Variants in TUSC3 observed in about 807,000 individuals in gnomAD.
TUSC3 encodes tumor suppressor candidate 3, also known as dolichyl-diphosphooligosaccharide--protein glycosyltransferase subunit TUSC3.
A neutral mutation model predicts 44.8 loss-of-function variants in TUSC3; 45 were observed. The observed-to-expected ratio is 1.00, with a 90% CI of 0.79 to 1.29. The LOEUF (loss-of-function observed/expected upper bound fraction) is 1.29, where lower values mean the gene tolerates loss of function less well. Ranked by LOEUF, TUSC3 falls within the 50% of genes most tolerant of loss-of-function variation. TUSC3 has a pLI of 0.00. For missense variants in TUSC3, 519 were observed against 437.9 expected, an observed-to-expected ratio of 1.19 and a Z score of -1.65; for synonymous variants, 212 against 152.9, an observed-to-expected ratio of 1.39 and a Z score of -2.85.
the TUSC3 span, among the ~76,000 whole-genome samples, chr8:15,777,912 G>A: frequency 2.0e-5 from 3 of 151,788 alleles, no homozygotes; most frequent in East Asian, 1.9e-4. Flanking sequence ...GTTTAACTTC[G>A]TTGTAGATGG....
intron 2 of TUSC3, among the ~76,000 whole-genome samples, chr8:15,626,488 G>C (rs1805515232): frequency 6.6e-6 from 1 of 152,206 alleles, no homozygotes; most frequent in South Asian, 2.1e-4. Context: ...CATGGCTGTG[G>C]ACCAGTATAT....
Position 15,593,087 on chromosome 8 carries a change from A to T in TUSC3, c.139-29993A>T, listed in dbSNP as rs183024935. 2.2e-4 allele frequency among the ~76,000 whole-genome samples: 33 copies of T among 149,840 alleles called. No individual in the cohort carries two copies. The East Asian group carries it at 6.0e-3, about 27-fold the overall frequency. ...TTATTATATATTAATGTGCTTTTTAAAAAAAAATTTTTTTTTGAGACGGAG... is the reference window on the plus strand; with the variant it reads ...TTATTATATATTAATGTGCTTTTTATAAAAAAATTTTTTTTTGAGACGGAG... On this transcript the variant is annotated intron_variant, in intron 1 of 10. Coordinates refer to ENST00000503731, the MANE Select transcript of TUSC3 (RefSeq NM_006765.4).
intron 1 of TUSC3, among the ~76,000 whole-genome samples, chr8:15,608,163 A>G (rs1474133306): frequency 6.6e-6 from 1 of 151,984 alleles, no homozygotes; most frequent in East Asian, 1.9e-4. Context: ...CTTGATTTTG[A>G]TTCACCTCTT....
intron 2 of TUSC3, among the ~76,000 whole-genome samples, chr8:15,645,366 C>G (rs1033876336): frequency 6.6e-6 from 1 of 152,086 alleles, no homozygotes; most frequent in Admixed American, 6.5e-5. Flanking sequence ...CCTTACTTTT[C>G]TCTCCCTGTC....
intron 5 of TUSC3, among the ~76,000 whole-genome samples, chr8:15,665,855 C>T (rs1481120399): frequency 6.6e-6 from 1 of 151,138 alleles, no homozygotes; most frequent in Non-Finnish European, 1.5e-5. Flanking sequence ...TTTTTGTTAA[C>T]TACTATTTAT....
chr8:15,540,007 G>C (rs1458960750), upstream of TUSC3, among the ~76,000 whole-genome samples: 1 of 152,180 alleles, frequency 6.6e-6, no homozygotes, highest in Non-Finnish European at 1.5e-5. Flanking sequence ...CATCCAAGAA[G>C]GCATTCAGGT....
Position 15,697,423 on chromosome 8 carries a change from TGA to T in TUSC3, c.798+23588_798+23589del. On this transcript the variant is annotated intron_variant, in intron 6 of 10. Coordinates refer to ENST00000503731, the MANE Select transcript of TUSC3 (RefSeq NM_006765.4). ...TTTTTGATGTAGGCATTTAGGGCTA[TGA>T]ACTTTCCTCCTTGCACAGCCTTTGC... Among the ~76,000 whole-genome samples the T allele has an allele frequency of 2.0e-5, 3 of 152,328 alleles. No homozygotes were observed. In the South Asian group the frequency reaches 6.2e-4, roughly 32 times the overall value.
chr8:15,769,836 T>C (rs1585320247), downstream of TUSC3, among the ~76,000 whole-genome samples: 1 of 152,204 alleles, frequency 6.6e-6, no homozygotes, highest in East Asian at 1.9e-4. Context: ...TCACTGGGCA[T>C]TAGAGAGATG....
At chr8:15,735,719 C>T (rs761403256) in intron 7 of TUSC3, among the ~76,000 whole-genome samples, 8 of 152,092 alleles carry the variant, frequency 5.3e-5, no homozygotes, top group Admixed American at 3.3e-4. Context: ...TTTTTTGAGA[C>T]GGAGTCTCAC....
intron 6 of TUSC3, among the ~76,000 whole-genome samples, chr8:15,698,711 G>GT (rs914336880): frequency 5.3e-5 from 8 of 152,052 alleles, no homozygotes; most frequent in East Asian, 1.9e-4. Flanking sequence ...AAAATGAAAT[G>GT]TTTTTTACAT....
chr8:15,480,925 G>A (rs1014991715), intron 1 of TUSC3, among the ~76,000 whole-genome samples: 3 of 152,114 alleles, frequency 2.0e-5, no homozygotes, highest in Non-Finnish European at 4.4e-5. Flanking sequence ...AGCATGGATT[G>A]GAAACTTAAT....
At chr8:15,469,066 C>A (rs7009090) in intron 1 of TUSC3, among the ~76,000 whole-genome samples, 4,906 of 152,152 alleles carry the variant, frequency 0.032, 156 homozygotes, top group Middle Eastern at 0.085. Flanking sequence ...AACGAGAAGG[C>A]TGGTAATAAA....
At chr8:15,459,229 A>T (rs1375642282) in intron 1 of TUSC3, among the ~76,000 whole-genome samples, 1 of 152,158 alleles carries the variant, frequency 6.6e-6, no homozygotes, top group Admixed American at 6.5e-5. Flanking sequence ...CACTGAATTA[A>T]TATTAGTTTA....
intron 6 of TUSC3, among the ~76,000 whole-genome samples, chr8:15,684,019 C>G (rs2129186700): frequency 6.7e-6 from 1 of 150,344 alleles, no homozygotes; most frequent in East Asian, 2.0e-4. Flanking sequence ...CACCAGCTGA[C>G]ACTTAAGAGA....
intron 10 of TUSC3, among the ~76,000 whole-genome samples, chr8:15,761,902 T>G (rs1188566297): frequency 6.6e-6 from 1 of 152,090 alleles, no homozygotes; most frequent in Non-Finnish European, 1.5e-5. Flanking sequence ...ACTGTTAGAT[T>G]AAGAAGCAAA....
intron 1 of TUSC3, among the ~76,000 whole-genome samples, chr8:15,573,196 C>CTA (rs1427194441): frequency 1.1e-4 from 11 of 104,248 alleles, no homozygotes; most frequent in South Asian, 6.3e-4. Flanking sequence ...CTCTCTCTCT[C>CTA]TCTCTCTATA....
At chr8:15,520,594 A>C (rs1801284097) in intron 2 of TUSC3, among the ~76,000 whole-genome samples, 1 of 152,220 alleles carries the variant, frequency 6.6e-6, no homozygotes, top group Admixed American at 6.5e-5. Context: ...CTGTGTGATA[A>C]CCAATATTTG....
the TUSC3 span, among the ~76,000 whole-genome samples, chr8:15,837,939 G>T: frequency 6.6e-6 from 1 of 152,168 alleles, no homozygotes; most frequent in Non-Finnish European, 1.5e-5. Flanking sequence ...CCAGGAGTTT[G>T]CATGAAAGAA....
At chr8:15,417,196 C>G (rs552514458), upstream of TUSC3, 1 of 152,484 alleles carries the variant, frequency 6.6e-6, no homozygotes, top group African/African-American at 2.4e-5. Flanking sequence ...TCACTATCTT[C>G]CTCCTGCTCT....
Sources: gnomAD v4.1 joint callset for allele counts (sites outside exome capture counted in the v4.1 genomes callset) on GRCh38, gnomAD v4.1.1 for gene constraint, MANE v1.5 for transcripts, NCBI Gene and HGNC (gene_info 2026-07-23, HGNC 2026-07-21) for gene names.